The following MECR variants were observed in gnomAD, a reference collection of about 807,000 sequenced individuals.
MECR encodes enoyl-[acyl-carrier-protein] reductase, mitochondrial.
Under a neutral mutation model 49.1 loss-of-function variants are expected in MECR, and 37 were observed. That is an observed-to-expected ratio of 0.75 (90% CI 0.58 to 0.99). MECR has a LOEUF of 0.99. Ranked by LOEUF, MECR falls within the 50% of genes least tolerant of loss-of-function variation. The pLI is 0.00. For synonymous variants in MECR, 198 were observed against 191.1 expected, an observed-to-expected ratio of 1.04 and a Z score of -0.30; for missense variants, 470 against 479.6, an observed-to-expected ratio of 0.98 and a Z score of 0.19.
In MECR at chr1:29,201,283, A is replaced by T; in HGVS notation, c.756+660T>A. 4.4e-6 allele frequency: 2 copies of T among 452,290 alleles called. No individual in the cohort carries two copies. The highest frequency in any genetic ancestry group is 5.8e-5 in the Admixed American group (2 of 34,600). The allele number at this position is 452,290 out of a possible 1,614,324, so 28.0% of individuals were successfully genotyped here. On this transcript the variant is annotated intron_variant, in intron 6 of 9. Coordinates refer to ENST00000263702, the MANE Select transcript of MECR (RefSeq NM_016011.5). This position sits in a 1 kb window ranked among gnomAD's most constrained non-coding sequence, Gnocchi z 4.3. ...TATATATGCTGATCTACTGCTTCAG[A>T]AATGTTCGCAAGAAGCGCATGCTCT...
At chr1:29,181,924 T>G in the MECR span, 9 of 425,446 alleles carry the variant, frequency 2.1e-5, no homozygotes, top group Non-Finnish European at 2.8e-5. Flanking sequence ...GCGCTTCCAC[T>G]TCCCCCGCCC....
chr1:29,203,023 T>C (rs1357931806), intron 5 of MECR, 108 bp downstream of exon 5: 15 of 823,024 alleles, frequency 1.8e-5, no homozygotes, highest in Non-Finnish European at 2.7e-5. Flanking sequence ...CTAAAGCCAG[T>C]TTATGCTTAT....
chr1:29,230,897 A>C lies in MECR; in HGVS notation c.10T>G (p.Cys4Gly). MWV[C>G]STLWRVRTPA... Reference sequence around the variant, plus strand: ...GTTCGCACCCGCCACAGGGTACTGCAGACCCACATGCTCGCTCCAACCAAC... The same window carrying C: ...GTTCGCACCCGCCACAGGGTACTGCCGACCCACATGCTCGCTCCAACCAAC... The change falls in exon 1 of 10, where the codon TGC (cysteine) becomes GGC (glycine). Residue 4 changes from cysteine (C) to glycine (G), a missense_variant. Physicochemically the swap from Cys to Gly is radical, Grantham distance 159. Coordinates refer to ENST00000263702, the MANE Select transcript of MECR (RefSeq NM_016011.5). 6.2e-7 allele frequency: 1 copy of C among 1,604,882 alleles called. No homozygotes were observed. The highest frequency in any genetic ancestry group is 1.3e-5 in the African/African-American group (1 of 74,660).
rs145086410 is a variant in MECR at position 29,230,154 on chromosome 1, C to T, written c.176+577G>A. Among the ~76,000 whole-genome samples the T allele has an allele frequency of 3.1e-3, 465 of 152,354 alleles. 2 individuals carry two copies. Among genetic ancestry groups the T allele is most frequent in the African/African-American group, 0.011 (451 of 41,576 alleles). On this transcript the variant is annotated intron_variant, in intron 1 of 9. Coordinates refer to ENST00000263702, the MANE Select transcript of MECR (RefSeq NM_016011.5). ...AAGCCATGGATTCCAGTCTCCTGTT[C>T]CAATCACTTATTAGCGGTATCACTC...
chr1:29,219,341 C>T (rs146511294), intron 1 of MECR, among the ~76,000 whole-genome samples: 1 of 152,336 alleles, frequency 6.6e-6, no homozygotes, highest in Non-Finnish European at 1.5e-5. Context: ...TGTGCTCAAG[C>T]TGTTTAAAGA....
intron 9 of MECR, among the ~76,000 whole-genome samples, chr1:29,194,786 AT>A (rs1296162508): frequency 4.6e-5 from 7 of 152,250 alleles, no homozygotes; most frequent in Middle Eastern, 3.4e-3. Flanking sequence ...CAGCCTTCAA[AT>A]CTAGTCATCT....
At chr1:29,174,601 T>C in the MECR span, among the ~76,000 whole-genome samples, 1 of 149,546 alleles carries the variant, frequency 6.7e-6, no homozygotes, top group Non-Finnish European at 1.5e-5. Flanking sequence ...TAACTTATAG[T>C]ATGATTCCAA....
At chr1:29,200,308 A>G (rs1675003445) in intron 7 of MECR, 1 of 437,898 alleles carries the variant, frequency 2.3e-6, no homozygotes, top group Non-Finnish European at 4.1e-6. Flanking sequence ...ATAAAGCTGG[A>G]TAGGCCAAAA....
chr1:29,229,104 C>T (rs570036445), intron 1 of MECR: 1 of 152,258 alleles, frequency 6.6e-6, no homozygotes, highest in South Asian at 2.1e-4. Context: ...GTCTTCTTGA[C>T]ATTCTTTTCG....
chr1:29,173,130 C>CTTTT, the MECR span: 150 of 78,560 alleles, frequency 1.9e-3, 1 homozygote, highest in African/African-American at 3.5e-3. Flanking sequence ...GTCAAAAAGG[C>CTTTT]TTTTTTTTTT....
At chr1:29,173,827 A>G in the MECR span, among the ~76,000 whole-genome samples, 2 of 152,054 alleles carry the variant, frequency 1.3e-5, no homozygotes, top group East Asian at 1.9e-4. Flanking sequence ...TTCCTCATAT[A>G]TAATTCTAAA....
chr1:29,201,640 G>C lies in MECR; in HGVS notation c.756+303C>G. 1 of 511,204 alleles carries C rather than the reference G, an allele frequency of 2.0e-6. No individual in the cohort carries two copies. The highest frequency in any genetic ancestry group is 2.0e-5 in the South Asian group (1 of 49,358). 31.7% of individuals were successfully genotyped at this position (511,204 alleles called of 1,614,324 possible). On this transcript the variant is annotated intron_variant, in intron 6 of 9. Transcript: ENST00000263702. This position sits in a 1 kb window ranked among gnomAD's most constrained non-coding sequence, Gnocchi z 4.3. The stretch of plus-strand genomic sequence containing the variant: ...TCTTTCTGTGTCTCTGTTTCCTCAG[G>C]TCCTCTCCTGCCAGTTCTAAGAGTC...
At chr1:29,170,808 C>T in the MECR span, 1 of 152,120 alleles carries the variant, frequency 6.6e-6, no homozygotes, top group Non-Finnish European at 1.5e-5. Context: ...CTCTTTCAGA[C>T]TTCCTCTTCT....
At chr1:29,214,815 G>A (rs1678961672) in intron 3 of MECR, among the ~76,000 whole-genome samples, 1 of 152,176 alleles carries the variant, frequency 6.6e-6, no homozygotes, top group South Asian at 2.1e-4. Context: ...TACTTCTCAA[G>A]CTTCAATTTA....
chr1:29,174,500 T>G, the MECR span, among the ~76,000 whole-genome samples: 1 of 152,130 alleles, frequency 6.6e-6, no homozygotes, highest in Admixed American at 6.5e-5. Flanking sequence ...GTTGGAGTAC[T>G]ATGTAGCCAT....
At chr1:29,200,422 C>A in intron 7 of MECR, 94 bp downstream of exon 7, 1 of 1,208,370 alleles carries the variant, frequency 8.3e-7, no homozygotes, top group South Asian at 1.3e-5. Flanking sequence ...GGACTTGGCT[C>A]GAACTGGCGA....
chr1:29,225,697 CA>C (rs1681869418), intron 1 of MECR, among the ~76,000 whole-genome samples: 1 of 152,186 alleles, frequency 6.6e-6, no homozygotes, highest in African/African-American at 2.4e-5. Flanking sequence ...GCACCAAACC[CA>C]AAATGCTATT....
At chr1:29,203,007 C>T (rs1675690943) in intron 5 of MECR, 124 bp downstream of exon 5, 3 of 683,980 alleles carry the variant, frequency 4.4e-6, no homozygotes, top group Non-Finnish European at 4.8e-6. Flanking sequence ...CAACTGTTAG[C>T]GATGCCTAAA....
At chr1:29,202,689 C>A (rs1675599420) in intron 5 of MECR, among the ~76,000 whole-genome samples, 1 of 152,182 alleles carries the variant, frequency 6.6e-6, no homozygotes, top group South Asian at 2.1e-4. Flanking sequence ...AGATGACAAA[C>A]CTGCCCCTGT....
Sources: gnomAD v4.1 joint callset for allele counts (sites outside exome capture counted in the v4.1 genomes callset) on GRCh38, gnomAD v4.1.1 for gene constraint, Gnocchi (gnomAD v3.1) non-coding constraint, MANE v1.5 for transcripts, NCBI Gene and HGNC (gene_info 2026-07-23, HGNC 2026-07-21) for gene names.